SYN3: variants seen among roughly 807,000 people sequenced by gnomAD.
The protein encoded by SYN3 is synapsin-3.
In SYN3, 35 loss-of-function variants were observed where a neutral mutation model predicts 65.8. The ratio of observed to expected loss-of-function variants is 0.53; its 90% CI spans 0.41 to 0.70. The LOEUF (loss-of-function observed/expected upper bound fraction) is 0.70. Among genes scored for constraint, SYN3 ranks in the 30% least tolerant of loss-of-function variants. The pLI, the probability that SYN3 is intolerant of heterozygous loss-of-function variation, is 0.00. For synonymous variants in SYN3, 270 were observed against 292.9 expected (o/e 0.92, Z 0.80); for missense variants, 680 against 749.0 (o/e 0.91, Z 1.08).
chr22:32,896,968 C>A (rs2049609800), intron 4 of SYN3, among the ~76,000 whole-genome samples: 1 of 152,194 alleles, frequency 6.6e-6, no homozygotes, highest in East Asian at 1.9e-4. Flanking sequence ...CCCCTGTCCC[C>A]ACCCTGGTCT....
rs139212568 is a variant in SYN3, at chr22:32,993,119, C to T, written c.312-12417G>A. On this transcript the variant is annotated intron_variant, in intron 2 of 13. Transcript: ENST00000358763. The stretch of plus-strand genomic sequence containing the variant: ...AAAGCAAGCAGGAGCTGATTTATCC[C>T]GAGACTGTTCCTGCCACCTAGATCT... Among the ~76,000 whole-genome samples, 554 of 152,122 alleles carry T rather than the reference C, an allele frequency of 3.6e-3. 3 individuals carry two copies. The highest frequency in any genetic ancestry group is 0.013 in the African/African-American group (528 of 41,490).
intron 4 of SYN3, among the ~76,000 whole-genome samples, chr22:32,912,704 C>CAGCA (rs1446804800): frequency 1.4e-5 from 2 of 147,664 alleles, no homozygotes; most frequent in African/African-American, 4.9e-5. Flanking sequence ...CTGGGCAAAA[C>CAGCA]AGCAAGACCT....
rs796234665 is a variant in SYN3 at position 32,802,026 on chromosome 22, G to A, written c.711+62889C>T. On this transcript the variant is annotated intron_variant, in intron 6 of 13. Coordinates refer to ENST00000358763, the MANE Select transcript of SYN3 (RefSeq NM_003490.4). Reference sequence around the variant, plus strand: ...AATGACCCCTTGGCTCGGGCTCATCGTGCTCCTGGGCAGCTGGAGCCTGGG... The same window carrying A: ...AATGACCCCTTGGCTCGGGCTCATCATGCTCCTGGGCAGCTGGAGCCTGGG... 3.2e-6 allele frequency: 5 copies of A among 1,576,446 alleles called. No individual in the cohort carries two copies. The African/African-American group carries it at 6.7e-5, about 21-fold the overall frequency.
chr22:32,556,815 T>G (rs1365607762), intron 7 of SYN3, among the ~76,000 whole-genome samples: 1,608 of 121,978 alleles, frequency 0.013, 218 homozygotes, highest in East Asian at 0.027. Flanking sequence ...TTTTTTTTTT[T>G]TTTTTTTTTT....
chr22:32,997,482 C>T (rs557730598), intron 2 of SYN3, among the ~76,000 whole-genome samples: 1 of 152,280 alleles, frequency 6.6e-6, no homozygotes, highest in African/African-American at 2.4e-5. Flanking sequence ...CAGTTCAAGT[C>T]CCAGCCCAGC....
chr22:32,801,530 A>G lies in SYN3; in HGVS notation c.711+63385T>C, dbSNP rs2046576557. ...GGCATTATTCCCTATAAGGATCTGA[A>G]CGATCCGGGGGCGGCCCCGCCCCGT... On this transcript the variant is annotated intron_variant, in intron 6 of 13. Transcript: ENST00000358763. The surrounding 1 kb of genome is among the most constrained non-coding windows in gnomAD (Gnocchi z 4.7). 6.6e-6 allele frequency among the ~76,000 whole-genome samples: 1 copy of G among 152,052 alleles called. No individual in the cohort carries two copies. Among genetic ancestry groups the G allele is most frequent in the Admixed American group, 6.5e-5 (1 of 15,280 alleles).
chr22:32,873,116 A>G (rs1029776246), intron 4 of SYN3, among the ~76,000 whole-genome samples: 6 of 151,804 alleles, frequency 4.0e-5, no homozygotes, highest in African/African-American at 1.2e-4. Flanking sequence ...GCACCCGGCT[A>G]ATTTTTGTAT....
intron 6 of SYN3, among the ~76,000 whole-genome samples, chr22:32,829,167 C>T (rs1416154038): frequency 6.6e-6 from 1 of 152,104 alleles, no homozygotes; most frequent in African/African-American, 2.4e-5. Flanking sequence ...TTAGCAGCTC[C>T]CCCATCCCAT....
chr22:32,554,328 A>C (rs1049367624), intron 7 of SYN3, among the ~76,000 whole-genome samples: 16 of 151,068 alleles, frequency 1.1e-4, no homozygotes, highest in African/African-American at 3.7e-4. Context: ...TACAGTGGCC[A>C]CTCCTCCCTG....
intron 6 of SYN3, among the ~76,000 whole-genome samples, chr22:32,822,689 A>G (rs1180048174): frequency 3.9e-5 from 6 of 152,184 alleles, no homozygotes; most frequent in Admixed American, 1.3e-4. Flanking sequence ...CTCTTCTGCT[A>G]ACCGCTAAGG....
intron 10 of SYN3, among the ~76,000 whole-genome samples, chr22:32,531,805 G>C (rs1187760273): frequency 1.3e-4 from 6 of 46,404 alleles, no homozygotes; most frequent in Admixed American, 1.2e-3. Flanking sequence ...GTTTCTGCGA[G>C]GAAAAAAAAA....
chr22:32,679,455 T>C (rs1399746912), intron 6 of SYN3, among the ~76,000 whole-genome samples: 4 of 152,202 alleles, frequency 2.6e-5, no homozygotes, highest in African/African-American at 7.2e-5. Flanking sequence ...TGAAGGTATC[T>C]CTTTGAGATC....
chr22:32,563,012 C>G (rs1164191755), intron 7 of SYN3, among the ~76,000 whole-genome samples: 2 of 152,216 alleles, frequency 1.3e-5, no homozygotes, highest in Non-Finnish European at 2.9e-5. Flanking sequence ...AAATTTCCAC[C>G]ATGCAAGCAT....
At chr22:32,516,652 C>T (rs189478303) in intron 13 of SYN3, among the ~76,000 whole-genome samples, 12 of 152,328 alleles carry the variant, frequency 7.9e-5, no homozygotes, top group Admixed American at 6.5e-4. Flanking sequence ...AGGCATGAGC[C>T]ACCACACCTG....
intron 6 of SYN3, among the ~76,000 whole-genome samples, chr22:32,798,754 T>C (rs533253631): frequency 2.2e-4 from 31 of 142,320 alleles, no homozygotes; most frequent in African/African-American, 8.3e-4. Context: ...TGCAGTGGCA[T>C]GATCTCAGCT....
At chr22:33,049,048 T>C (rs547961125) in intron 1 of SYN3, among the ~76,000 whole-genome samples, 4 of 152,222 alleles carry the variant, frequency 2.6e-5, no homozygotes, top group Non-Finnish European at 4.4e-5. Flanking sequence ...CAGGGTTTCA[T>C]ACACAAAAAC....
chr22:32,631,487 G>T (rs1176175221), intron 6 of SYN3, among the ~76,000 whole-genome samples: 1 of 152,114 alleles, frequency 6.6e-6, no homozygotes, highest in Non-Finnish European at 1.5e-5. Flanking sequence ...TCAGGGACAA[G>T]AAGGAAAGAA....
intron 6 of SYN3, among the ~76,000 whole-genome samples, chr22:32,802,828 A>G (rs548563345): frequency 3.9e-5 from 6 of 152,194 alleles, no homozygotes; most frequent in East Asian, 3.9e-4. Context: ...CAGGAAGGCT[A>G]TTTTTTTCCC....
chr22:32,583,843 T>C (rs1304114645), intron 7 of SYN3: 1 of 152,218 alleles, frequency 6.6e-6, no homozygotes, highest in African/African-American at 2.4e-5. Flanking sequence ...GGTTTTTGTT[T>C]ACGAATTGAT....
Sources: allele counts gnomAD v4.1 joint callset (sites outside exome capture counted in the v4.1 genomes callset), GRCh38; gene constraint gnomAD v4.1.1; non-coding constraint Gnocchi (gnomAD v3.1); transcripts MANE v1.5; gene names NCBI Gene and HGNC (gene_info 2026-07-23, HGNC 2026-07-21).